Variants in NUCB2 observed in about 807,000 individuals in gnomAD.
NUCB2 encodes nucleobindin 2, also known as nucleobindin-2.
NUCB2 carries 48 observed loss-of-function variants against 57.9 expected under a neutral mutation model. That is an observed-to-expected ratio of 0.83 (90% CI 0.66 to 1.05). The LOEUF is 1.05. Among genes scored for constraint, NUCB2 ranks in the 50% least tolerant of loss-of-function variants. The pLI, the probability that NUCB2 is intolerant of heterozygous loss-of-function variation, is 0.00. For synonymous variants in NUCB2, 139 were observed against 152.1 expected (o/e 0.91, Z 0.64); for missense variants, 442 against 476.2 (o/e 0.93, Z 0.67).
At chr11:17,288,546 C>CTTTTT (rs1409100990) in intron 2 of NUCB2, among the ~76,000 whole-genome samples, 2 of 81,656 alleles carry the variant, frequency 2.4e-5, no homozygotes, top group East Asian at 7.0e-4. Context: ...TCTTCTTCTT[C>CTTTTT]TTCTTCTTTT....
chr11:17,278,151 C>G (rs1276470352), intron 1 of NUCB2, among the ~76,000 whole-genome samples: 4 of 144,766 alleles, frequency 2.8e-5, no homozygotes, highest in African/African-American at 1.0e-4. Flanking sequence ...ATGCTCTTCT[C>G]TATCCAAATT....
chr11:17,285,291 G>C (rs759395479), intron 2 of NUCB2, among the ~76,000 whole-genome samples: 2 of 151,960 alleles, frequency 1.3e-5, no homozygotes, highest in African/African-American at 4.8e-5. Flanking sequence ...TTAGCCGGGC[G>C]TGGCTGGGTG....
chr11:17,320,130 A>G (rs1161578368), intron 11 of NUCB2, among the ~76,000 whole-genome samples: 1 of 151,510 alleles, frequency 6.6e-6, no homozygotes, highest in South Asian at 2.1e-4. Flanking sequence ...TTCTTTATCT[A>G]CTCACTTACT....
intron 2 of NUCB2, among the ~76,000 whole-genome samples, chr11:17,345,542 A>C (rs1032113887): frequency 1.3e-5 from 2 of 152,154 alleles, no homozygotes; most frequent in Admixed American, 6.5e-5. Flanking sequence ...CCCCATCTCT[A>C]CTAAAAATAC....
intron 10 of NUCB2, 147 bp from the exon 11 acceptor site, chr11:17,315,239 A>T: frequency 2.1e-6 from 1 of 479,604 alleles, no homozygotes; most frequent in Non-Finnish European, 3.8e-6. Context: ...TCTGTTTTTT[A>T]TTTTTTTCCT....
chr11:17,340,965 T>C (rs1437797256), intron 2 of NUCB2, among the ~76,000 whole-genome samples: 1 of 152,258 alleles, frequency 6.6e-6, no homozygotes, highest in African/African-American at 2.4e-5. Flanking sequence ...CATGGAATGT[T>C]CTTCCATTTG....
At chr11:17,345,478 G>T (rs1409459716) in intron 2 of NUCB2, among the ~76,000 whole-genome samples, 2 of 152,194 alleles carry the variant, frequency 1.3e-5, no homozygotes, top group African/African-American at 4.8e-5. Flanking sequence ...GGAGGCCAAG[G>T]CGGGTGGATC....
At chr11:17,292,814 T>G in intron 2 of NUCB2, among the ~76,000 whole-genome samples, 1 of 152,258 alleles carries the variant, frequency 6.6e-6, no homozygotes, top group East Asian at 1.9e-4. Context: ...TTTAGCATAC[T>G]GCTTGGTACA....
Position 17,330,342 on chromosome 11 carries a change from G to A in NUCB2, c.1173+45G>A, listed in dbSNP as rs751782251. ...TTATGGCATTAAAAAGATTTTAGGTGCTTTGTTAAAAGCCTGTGTTTTTGT... is the reference window on the plus strand; with the variant it reads ...TTATGGCATTAAAAAGATTTTAGGTACTTTGTTAAAAGCCTGTGTTTTTGT... On this transcript the variant is annotated intron_variant, in intron 12 of 13. Coordinates refer to ENST00000529010, the MANE Select transcript of NUCB2 (RefSeq NM_005013.4). The surrounding 1 kb of genome is among the most constrained non-coding windows in gnomAD (Gnocchi z 4.3). 3 of 1,473,978 alleles carry A rather than the reference G, an allele frequency of 2.0e-6. No homozygotes were observed. The highest frequency in any genetic ancestry group is 1.3e-5 in the South Asian group (1 of 79,298). 91.3% of individuals were successfully genotyped at this position (1,473,978 alleles called of 1,614,324 possible). A position where few individuals can be genotyped will look rare whatever the true frequency, so the allele number is the denominator to read the frequency against.
chr11:17,310,644 C>CA lies in NUCB2; in HGVS notation c.484-172dup, dbSNP rs71313427. On this transcript the variant is annotated intron_variant, in intron 6 of 13. Coordinates refer to ENST00000529010, the MANE Select transcript of NUCB2 (RefSeq NM_005013.4). ...CTGGGTGACGGGTGAAACTCCGTCT[C>CA]AAAAAAAAAGAAGAAAAAACTTGAC... 3.5e-3 allele frequency among the ~76,000 whole-genome samples: 512 copies of CA among 147,294 alleles called. 2 individuals carry two copies. Among genetic ancestry groups the CA allele is most frequent in the African/African-American group, 0.012 (474 of 39,768 alleles).
intron 2 of NUCB2, among the ~76,000 whole-genome samples, chr11:17,287,226 A>G (rs967970064): frequency 6.6e-6 from 1 of 152,014 alleles, no homozygotes; most frequent in South Asian, 2.1e-4. Flanking sequence ...CAGCTACTTG[A>G]GAAGCTGAGG....
At chr11:17,300,441 C>T (rs549941424) in intron 4 of NUCB2, among the ~76,000 whole-genome samples, 126 of 152,296 alleles carry the variant, frequency 8.3e-4, no homozygotes, top group African/African-American at 2.9e-3. Flanking sequence ...AATTGCGCCC[C>T]TTTCCCCAAC....
chr11:17,309,164 A>G (rs1295099144), intron 5 of NUCB2, among the ~76,000 whole-genome samples: 3 of 152,042 alleles, frequency 2.0e-5, no homozygotes, highest in Non-Finnish European at 2.9e-5. Context: ...AAATTAAAAA[A>G]AAAGAAATTA....
intron 2 of NUCB2, among the ~76,000 whole-genome samples, chr11:17,342,209 T>G (rs1312349533): frequency 6.6e-6 from 1 of 152,214 alleles, no homozygotes; most frequent in Non-Finnish European, 1.5e-5. Context: ...TTCTCTCTTT[T>G]CTTCTTTATT....
chr11:17,305,645 C>T (rs1226034859), intron 5 of NUCB2, among the ~76,000 whole-genome samples: 1 of 151,216 alleles, frequency 6.6e-6, no homozygotes, highest in Non-Finnish European at 1.5e-5. Context: ...TTTTTTTAGA[C>T]AGGTCTCACT....
intron 11 of NUCB2, among the ~76,000 whole-genome samples, chr11:17,316,976 T>C (rs559949566): frequency 1.3e-5 from 2 of 152,220 alleles, no homozygotes; most frequent in Non-Finnish European, 2.9e-5. Context: ...AGCCTCTTTT[T>C]GTATTGGGTT....
chr11:17,319,319 T>C (rs563477942), intron 11 of NUCB2, among the ~76,000 whole-genome samples: 1 of 152,360 alleles, frequency 6.6e-6, no homozygotes, highest in Admixed American at 6.5e-5. Context: ...TCAGACTGGC[T>C]TTTGTGTCCT....
chr11:17,347,252 A>G (rs1952819386), intron 2 of NUCB2, among the ~76,000 whole-genome samples: 1 of 152,186 alleles, frequency 6.6e-6, no homozygotes, highest in South Asian at 2.1e-4. Context: ...TCCCATTTTG[A>G]GTTTCTACCT....
At chr11:17,324,337 T>C (rs1297518889) in intron 11 of NUCB2, among the ~76,000 whole-genome samples, 8 of 152,242 alleles carry the variant, frequency 5.3e-5, no homozygotes, top group African/African-American at 1.2e-4. Flanking sequence ...TATTGTTTAA[T>C]TTCCATGTGT....
Sources: allele counts gnomAD v4.1 joint callset (sites outside exome capture counted in the v4.1 genomes callset), GRCh38; gene constraint gnomAD v4.1.1; non-coding constraint Gnocchi (gnomAD v3.1); transcripts MANE v1.5; gene names NCBI Gene and HGNC (gene_info 2026-07-23, HGNC 2026-07-21).